The following MED13L variants were observed in gnomAD, a reference collection of about 807,000 sequenced individuals.
The protein encoded by MED13L is mediator of RNA polymerase II transcription subunit 13-like.
A neutral mutation model predicts 220.9 loss-of-function variants in MED13L; 7 were observed. That is an observed-to-expected ratio of 0.03 (90% CI 0.02 to 0.06). The LOEUF (loss-of-function observed/expected upper bound fraction) is 0.06. Ranked by LOEUF, MED13L falls within the 10% of genes least tolerant of loss-of-function variation. The pLI, the probability that MED13L is intolerant of heterozygous loss-of-function variation, is 1.00. For missense variants in MED13L, 1,965 were observed against 2,760.5 expected (o/e 0.71, Z 6.46); for synonymous variants, 1,011 against 1,015.2 (o/e 1.00, Z 0.08).
intron 2 of MED13L, among the ~76,000 whole-genome samples, chr12:116,190,137 A>G (rs1881171544): frequency 6.6e-6 from 1 of 152,172 alleles, no homozygotes; most frequent in Admixed American, 6.5e-5. Context: ...TCCTGATCTT[A>G]GGAAGAAAAT....
intron 4 of MED13L, among the ~76,000 whole-genome samples, chr12:116,059,305 C>T (rs1869242726): frequency 1.3e-5 from 2 of 152,200 alleles, no homozygotes; most frequent in Admixed American, 1.3e-4. Flanking sequence ...AGCCATCCTC[C>T]TGCCTAGGCC....
intron 4 of MED13L, among the ~76,000 whole-genome samples, chr12:116,046,148 C>T (rs1244357164): frequency 2.0e-5 from 3 of 152,114 alleles, no homozygotes; most frequent in Non-Finnish European, 2.9e-5. Flanking sequence ...TTTATAGTCA[C>T]TCACACACAC....
chr12:116,216,556 G>A (rs1382419379), intron 2 of MED13L, among the ~76,000 whole-genome samples: 1 of 152,116 alleles, frequency 6.6e-6, no homozygotes, highest in Non-Finnish European at 1.5e-5. Flanking sequence ...GTATGCAAAG[G>A]TCCAATAGTG....
At chr12:116,236,040 A>G (rs1004401793) in intron 2 of MED13L, among the ~76,000 whole-genome samples, 3 of 152,142 alleles carry the variant, frequency 2.0e-5, no homozygotes, top group Non-Finnish European at 4.4e-5. Context: ...ATTTTAATGG[A>G]CAAACAAAAA....
intron 4 of MED13L, among the ~76,000 whole-genome samples, chr12:116,082,326 A>C (rs2137742493): frequency 6.6e-6 from 1 of 152,320 alleles, no homozygotes; most frequent in East Asian, 1.9e-4. Flanking sequence ...GGAGCAAGCA[A>C]AGTAAAAAGC....
At chr12:116,035,135 G>A (rs535017547) in intron 4 of MED13L, among the ~76,000 whole-genome samples, 16 of 152,158 alleles carry the variant, frequency 1.1e-4, no homozygotes, top group Non-Finnish European at 1.9e-4. Context: ...AGCAGATAGC[G>A]CTTGGGTATT....
chr12:116,034,992 G>A (rs528372180), intron 4 of MED13L, among the ~76,000 whole-genome samples: 4 of 152,200 alleles, frequency 2.6e-5, no homozygotes, highest in African/African-American at 4.8e-5. Flanking sequence ...ACGAAAAAGC[G>A]AGACTGTCTC....
intron 2 of MED13L, among the ~76,000 whole-genome samples, chr12:116,124,532 A>G (rs1479093906): frequency 6.6e-6 from 1 of 152,178 alleles, no homozygotes; most frequent in African/African-American, 2.4e-5. Flanking sequence ...TACTTTTACT[A>G]GATAATAATT....
At chr12:116,216,891 T>A (rs1020728264) in intron 2 of MED13L, among the ~76,000 whole-genome samples, 2 of 152,316 alleles carry the variant, frequency 1.3e-5, no homozygotes, top group East Asian at 3.9e-4. Flanking sequence ...AAATCCCATA[T>A]CAATGTACAA....
chr12:116,071,993 G>A (rs552126682), intron 4 of MED13L, among the ~76,000 whole-genome samples: 1 of 152,332 alleles, frequency 6.6e-6, no homozygotes, highest in South Asian at 2.1e-4. Flanking sequence ...AAATGCATGG[G>A]ATTAGATTTT....
chr12:116,147,860 A>C (rs1877663411), intron 2 of MED13L, among the ~76,000 whole-genome samples: 1 of 151,898 alleles, frequency 6.6e-6, no homozygotes, highest in Non-Finnish European at 1.5e-5. Flanking sequence ...TAATTATCAT[A>C]TATACTGTTA....
intron 4 of MED13L, among the ~76,000 whole-genome samples, chr12:116,028,086 G>C (rs1299812593): frequency 1.3e-5 from 2 of 152,128 alleles, no homozygotes; most frequent in African/African-American, 4.8e-5. Context: ...CTAAATGCAC[G>C]ACTGGAATTG....
At chr12:116,186,055 C>T (rs1369230386) in intron 2 of MED13L, among the ~76,000 whole-genome samples, 2 of 152,174 alleles carry the variant, frequency 1.3e-5, no homozygotes, top group Non-Finnish European at 1.5e-5. Context: ...GAAACAAATA[C>T]GCTACCTCTT....
At chr12:116,239,670 T>C (rs1280218055) in intron 1 of MED13L, among the ~76,000 whole-genome samples, 1 of 152,226 alleles carries the variant, frequency 6.6e-6, no homozygotes, top group Non-Finnish European at 1.5e-5. Flanking sequence ...TCCTGATTAT[T>C]TCCTTTAAAG....
At chr12:116,224,240 C>T (rs896234742) in intron 2 of MED13L, among the ~76,000 whole-genome samples, 1 of 152,198 alleles carries the variant, frequency 6.6e-6, no homozygotes, top group Non-Finnish European at 1.5e-5. Context: ...TGTTCATTTT[C>T]AATCAATTTC....
chr12:116,173,653 G>GCC (rs1879846888), intron 2 of MED13L, among the ~76,000 whole-genome samples: 2 of 152,024 alleles, frequency 1.3e-5, no homozygotes, highest in Non-Finnish European at 2.9e-5. Context: ...TTCCTCAACT[G>GCC]CCTTACAGAG....
chr12:116,173,524 G>A (rs1423706777), intron 2 of MED13L, among the ~76,000 whole-genome samples: 1 of 152,138 alleles, frequency 6.6e-6, no homozygotes, highest in Non-Finnish European at 1.5e-5. Flanking sequence ...TAAGAAAAAT[G>A]TGTTATAATG....
chr12:115,973,161 T>C (rs771074079), intron 25 of MED13L, among the ~76,000 whole-genome samples: 8 of 152,232 alleles, frequency 5.3e-5, no homozygotes, highest in Non-Finnish European at 1.2e-4. Context: ...TGAAGAATGT[T>C]TGTTTTAAAA....
intron 2 of MED13L, among the ~76,000 whole-genome samples, chr12:116,177,307 A>G (rs1475518427): frequency 6.6e-6 from 1 of 152,218 alleles, no homozygotes; most frequent in Non-Finnish European, 1.5e-5. Flanking sequence ...AACTTTATAC[A>G]AAAGAAATCA....
Sources: gnomAD v4.1 joint callset for allele counts (sites outside exome capture counted in the v4.1 genomes callset) on GRCh38, gnomAD v4.1.1 for gene constraint, MANE v1.5 for transcripts, NCBI Gene and HGNC (gene_info 2026-07-23, HGNC 2026-07-21) for gene names.